ATP10B: variants seen among roughly 807,000 people sequenced by gnomAD.
ATP10B encodes the protein phospholipid-transporting ATPase VB.
In ATP10B, 122 loss-of-function variants were observed where a neutral mutation model predicts 141.2. The observed-to-expected ratio is 0.86, with a 90% CI of 0.75 to 1.00. The LOEUF (loss-of-function observed/expected upper bound fraction) is 1.00, where lower values mean the gene tolerates loss of function less well. Ranked by LOEUF, ATP10B falls within the 50% of genes least tolerant of loss-of-function variation. The probability of loss-of-function intolerance (pLI) is 0.00; values close to 1 mark genes in which losing one functional copy is unlikely to be tolerated. For missense variants in ATP10B, 1,876 were observed against 1,825.3 expected, an observed-to-expected ratio of 1.03 and a Z score of -0.51; for synonymous variants, 685 against 692.0, an observed-to-expected ratio of 0.99 and a Z score of 0.16.
intron 22 of ATP10B, among the ~76,000 whole-genome samples, chr5:160,591,920 A>G (rs1455129531): frequency 6.6e-6 from 1 of 152,120 alleles, no homozygotes; most frequent in African/African-American, 2.4e-5. Flanking sequence ...GCTTGCTGTT[A>G]GTCTATAAAT....
intron 2 of ATP10B, among the ~76,000 whole-genome samples, chr5:160,723,704 A>G (rs1426509711): frequency 1.3e-5 from 2 of 152,204 alleles, no homozygotes; most frequent in African/African-American, 4.8e-5. Flanking sequence ...CATGTTATTT[A>G]CACTAATGTA....
chr5:160,636,156 G>T, intron 11 of ATP10B, 26 bp downstream of exon 11: 1 of 1,574,368 alleles, frequency 6.4e-7, no homozygotes, highest in Non-Finnish European at 8.6e-7. Context: ...ATCTTATTGG[G>T]CCCCTAGTTA....
chr5:160,832,279 A>G (rs1199311020), intron 1 of ATP10B, among the ~76,000 whole-genome samples: 3 of 152,172 alleles, frequency 2.0e-5, no homozygotes, highest in African/African-American at 7.2e-5. Context: ...TGACTACAGT[A>G]TTTGTAGTAT....
chr5:160,831,219 C>G (rs575689357), intron 1 of ATP10B, among the ~76,000 whole-genome samples: 37 of 152,042 alleles, frequency 2.4e-4, no homozygotes, highest in Non-Finnish European at 5.9e-5. Flanking sequence ...TGTGGTGACT[C>G]AGGTAAACTT....
At chr5:160,577,631 A>G (rs1755279035) in intron 24 of ATP10B, among the ~76,000 whole-genome samples, 1 of 152,192 alleles carries the variant, frequency 6.6e-6, no homozygotes, top group Non-Finnish European at 1.5e-5. Flanking sequence ...TAGTATTTTT[A>G]TAGACATTGA....
the ATP10B span, among the ~76,000 whole-genome samples, chr5:160,880,553 A>G: frequency 6.6e-6 from 1 of 152,232 alleles, no homozygotes; most frequent in Non-Finnish European, 1.5e-5. Context: ...ACAGTAATCA[A>G]GACAATGTGG....
chr5:160,873,688 G>C, the ATP10B span, among the ~76,000 whole-genome samples: 17 of 152,322 alleles, frequency 1.1e-4, no homozygotes, highest in Non-Finnish European at 1.8e-4. Flanking sequence ...CACTGTGCGC[G>C]AGCCAAAGCA....
At position 160,820,629 on chromosome 5, in the gene ATP10B, G is replaced by A. The variant is rs1301159916; in HGVS notation, c.-576+31312C>T. On this transcript the variant is annotated intron_variant, in intron 1 of 25. Transcript: ENST00000327245. ...GCCAATATCTCTGATGAATATTGATGAAAAAATCCTCAACAAAATATTAGC... is the reference window on the plus strand; with the variant it reads ...GCCAATATCTCTGATGAATATTGATAAAAAAATCCTCAACAAAATATTAGC... 2.6e-5 allele frequency among the ~76,000 whole-genome samples: 4 copies of A among 151,938 alleles called. No homozygotes were observed. The East Asian group carries it at 7.7e-4, about 29-fold the overall frequency.
chr5:160,850,791 A>G (rs1561923923), intron 1 of ATP10B, among the ~76,000 whole-genome samples: 1 of 152,216 alleles, frequency 6.6e-6, no homozygotes, highest in Admixed American at 6.6e-5. Context: ...AAAATACATG[A>G]TGAAAACCTG....
chr5:160,731,526 G>A (rs1766738816), intron 2 of ATP10B, among the ~76,000 whole-genome samples: 1 of 152,242 alleles, frequency 6.6e-6, no homozygotes, highest in South Asian at 2.1e-4. Flanking sequence ...CAAGTAGTCA[G>A]TGAGTTGTGT....
At chr5:160,640,194 T>C (rs1759731980) in intron 10 of ATP10B, among the ~76,000 whole-genome samples, 1 of 152,238 alleles carries the variant, frequency 6.6e-6, no homozygotes. Flanking sequence ...GTCTGATTCG[T>C]CTTGTTTTCA....
At chr5:160,685,615 C>T (rs1416745606) in intron 6 of ATP10B, among the ~76,000 whole-genome samples, 2 of 152,174 alleles carry the variant, frequency 1.3e-5, no homozygotes, top group Non-Finnish European at 2.9e-5. Context: ...TGCCTGACAT[C>T]CTCCAAAGAG....
At chr5:160,907,548 A>G in the ATP10B span, among the ~76,000 whole-genome samples, 3 of 152,112 alleles carry the variant, frequency 2.0e-5, no homozygotes, top group African/African-American at 7.2e-5. Context: ...TTTTGTAGAC[A>G]CAGGATCTCA....
chr5:160,895,464 A>T, the ATP10B span, among the ~76,000 whole-genome samples: 1 of 152,206 alleles, frequency 6.6e-6, no homozygotes, highest in Non-Finnish European at 1.5e-5. Context: ...GGCATTACAT[A>T]ATGGTAAAGG....
chr5:160,782,188 T>A (rs1770761548), intron 2 of ATP10B, among the ~76,000 whole-genome samples: 1 of 152,142 alleles, frequency 6.6e-6, no homozygotes, highest in South Asian at 2.1e-4. Context: ...AACGCAGTAA[T>A]GTAAATATAT....
At chr5:160,569,436 A>C (rs1754738966) in intron 25 of ATP10B, 60 bp downstream of exon 25, 5 of 1,561,534 alleles carry the variant, frequency 3.2e-6, no homozygotes, top group Non-Finnish European at 4.4e-6. Context: ...GGTTATAAAA[A>C]TGGCTTATTA....
chr5:160,757,134 G>A (rs916705783), intron 2 of ATP10B, among the ~76,000 whole-genome samples: 5 of 151,926 alleles, frequency 3.3e-5, no homozygotes, highest in East Asian at 1.9e-4. Flanking sequence ...TATGAAATAG[G>A]GTTCAAGATT....
At chr5:160,672,229 G>C (rs562668287) in intron 6 of ATP10B, among the ~76,000 whole-genome samples, 1 of 151,798 alleles carries the variant, frequency 6.6e-6, no homozygotes, top group African/African-American at 2.4e-5. Context: ...CTCCTGTCTC[G>C]GCCTCCCAAA....
At chr5:160,732,296 TG>T (rs1433357406) in intron 2 of ATP10B, among the ~76,000 whole-genome samples, 18 of 152,228 alleles carry the variant, frequency 1.2e-4, no homozygotes, top group African/African-American at 4.3e-4. Context: ...TTAGTAAATC[TG>T]AAGATACAGC....
Sources: allele counts gnomAD v4.1 joint callset (sites outside exome capture counted in the v4.1 genomes callset), GRCh38; gene constraint gnomAD v4.1.1; transcripts MANE v1.5; gene names NCBI Gene and HGNC (gene_info 2026-07-23, HGNC 2026-07-21).